Variants in SLC4A1 observed in about 807,000 individuals in gnomAD.
SLC4A1 encodes solute carrier family 4 member 1 (Diego blood group).
Under a neutral mutation model 93.1 loss-of-function variants are expected in SLC4A1, and 29 were observed. That is an observed-to-expected ratio of 0.31 (90% CI 0.23 to 0.42). SLC4A1 has a LOEUF of 0.42. Among genes scored for constraint, SLC4A1 ranks in the 20% least tolerant of loss-of-function variants. The probability of loss-of-function intolerance (pLI) is 1.00; values close to 1 mark genes in which losing one functional copy is unlikely to be tolerated. For missense variants in SLC4A1, 965 were observed against 1,190.1 expected, an observed-to-expected ratio of 0.81 and a Z score of 2.78; for synonymous variants, 469 against 497.2, an observed-to-expected ratio of 0.94 and a Z score of 0.76.
In SLC4A1 at chr17:44,262,858, C is replaced by T. The variant is rs878938954; in HGVS notation, c.9G>A (p.Glu3=). The change falls in exon 2 of 20, where the codon GAG becomes GAA. Residue 3 remains glutamate, a synonymous_variant. Transcript: ENST00000262418. ME[E]LQDDYEDMME... ...GATGCCAGGGAACACCCACCTGCAG[C>T]TCCTCCATGGCGTGGTCCTGAGTGT... 1.1e-5 allele frequency: 17 copies of T among 1,614,184 alleles called. No individual in the cohort carries two copies. Among genetic ancestry groups the T allele is most frequent in the Non-Finnish European group, 1.4e-5 (17 of 1,180,008 alleles).
At chr17:44,251,669 G>T in intron 17 of SLC4A1, 81 bp from the exon 18 acceptor site, 3 of 1,273,114 alleles carry the variant, frequency 2.4e-6, no homozygotes, top group Non-Finnish European at 3.4e-6. Flanking sequence ...TCTGGGGCTG[G>T]GAATAAAACA....
Position 44,251,319 on chromosome 17 carries a change from C to T in SLC4A1, c.2495G>A (p.Arg832His), listed in dbSNP as rs5025. Residue 832 changes from arginine to histidine, a missense_variant, in exon 19 of 20, where the codon CGC (arginine) becomes CAC (histidine). By Grantham distance (29) the Arg-to-His change is conservative. Around this residue, in one of 2 missense-constraint regions of SLC4A1, gnomAD observed 770 missense variants for 1,006.6 expected, o/e 0.76. Transcript: ENST00000262418. Reference sequence around the variant, plus strand: ...CTGGATGCCCGTGAATAAGTGCATGCGCCAGGTCTTCACCTGCAGGCGGAG... The same window carrying T: ...CTGGATGCCCGTGAATAAGTGCATGTGCCAGGTCTTCACCTGCAGGCGGAG... ...VPYVKRVKTW[R>H]MHLFTGIQII... is the part of the protein sequence containing the mutation. The T allele has an allele frequency of 3.6e-5, 58 of 1,614,208 alleles. No individual in the cohort carries two copies. Among genetic ancestry groups the T allele is most frequent in the South Asian group, 3.3e-4 (30 of 91,086 alleles).
intron 1 of SLC4A1, 66 bp from the exon 2 acceptor site, chr17:44,263,000 A>AG (rs35535843): frequency 7.4e-7 from 1 of 1,343,464 alleles, no homozygotes; most frequent in East Asian, 2.3e-5. Context: ...CCTCCTCCAG[A>AG]GGGGGCCACA....
intron 13 of SLC4A1, among the ~76,000 whole-genome samples, chr17:44,256,079 A>G (rs1193113848): frequency 6.6e-6 from 1 of 151,916 alleles, no homozygotes; most frequent in Non-Finnish European, 1.5e-5. Context: ...CCTACCTATC[A>G]TCTATCAACC....
intron 8 of SLC4A1, 61 bp from the exon 9 acceptor site, chr17:44,259,405 A>T (rs527976563): frequency 6.2e-7 from 1 of 1,608,312 alleles, no homozygotes; most frequent in East Asian, 2.2e-5. Context: ...TGCTGAAGAG[A>T]TGGGGCTGCG....
intron 14 of SLC4A1, 83 bp downstream of exon 14, chr17:44,255,590 G>A (rs1477740207): frequency 7.3e-7 from 1 of 1,366,962 alleles, no homozygotes; most frequent in African/African-American, 1.4e-5. Flanking sequence ...GGGAAGCTAA[G>A]GGCACTGAGG....
In SLC4A1 at chr17:44,255,272, C is replaced by T. The variant is rs878853002; in HGVS notation, c.1825G>A (p.Gly609Arg). 1 of 1,556,624 alleles carries T rather than the reference C, an allele frequency of 6.4e-7. No individual in the cohort carries two copies. The highest frequency in any genetic ancestry group is 8.7e-7 in the Non-Finnish European group (1 of 1,149,498). ...GKLRRVIGDF[G>R]VPISILIMVL... ...ATGATCAGGATGGAGATGGGGACCC[C>T]GAAGTCCCCGATGACCCGACGCAGC... Residue 609 changes from glycine to arginine, a missense_variant, in exon 15 of 20, where the codon GGG becomes AGG. By Grantham distance (125) the Gly-to-Arg change is moderately radical (BLOSUM62 -2). This residue lies in a region of SLC4A1 where 770 missense variants were observed against 1,006.6 expected (regional missense o/e 0.76). Coordinates refer to ENST00000262418, the MANE Select transcript of SLC4A1 (RefSeq NM_000342.4).
At chr17:44,261,174 T>C (rs528388375) in intron 4 of SLC4A1, among the ~76,000 whole-genome samples, 15 of 152,310 alleles carry the variant, frequency 9.8e-5, no homozygotes, top group African/African-American at 3.1e-4. Flanking sequence ...TGAGGCCAGG[T>C]GGTTGCTCCA....
chr17:44,257,375 T>C lies in SLC4A1; in HGVS notation c.1601A>G (p.Tyr534Cys). The change falls in exon 13 of 20, where the codon TAT becomes TGT. Residue 534 changes from tyrosine to cysteine, a missense_variant. This residue lies in a region of SLC4A1 where 770 missense variants were observed against 1,006.6 expected (regional missense o/e 0.76). Transcript: ENST00000262418. Reference protein sequence around the residue: ...FSFLISLIFIYETFSKLIKIF... With the variant: ...FSFLISLIFICETFSKLIKIF... Reference sequence around the variant, plus strand: ...CTTGATCAGCTTGGAGAAAGTCTCATAGATGAAGATGAGGGAAATGAGGAA... The same window carrying C: ...CTTGATCAGCTTGGAGAAAGTCTCACAGATGAAGATGAGGGAAATGAGGAA... 1 of 1,613,656 alleles carries C rather than the reference T, an allele frequency of 6.2e-7. No individual in the cohort carries two copies. The highest frequency in any genetic ancestry group is 8.5e-7 in the Non-Finnish European group (1 of 1,179,912).
In SLC4A1 at chr17:44,248,782, T is replaced by C. The variant is rs745898810; in HGVS notation, c.*1676A>G. The C allele has an allele frequency of 3.2e-4, 54 of 170,892 alleles. No homozygotes were observed. The highest frequency in any genetic ancestry group is 7.4e-5 in the Non-Finnish European group (6 of 81,146). The allele number at this position is 170,892 out of a possible 1,614,324, so 10.6% of individuals were successfully genotyped here. On this transcript the variant is annotated 3_prime_UTR_variant, in exon 20 of 20. Coordinates refer to ENST00000262418, the MANE Select transcript of SLC4A1 (RefSeq NM_000342.4). ...GGGAGGTACAAATAATGTTACTCTA[T>C]GTTGGGCTGGAACCCCACCACACAC...
Position 44,258,252 on chromosome 17 carries a change from G to A in SLC4A1, c.1088-72C>T. 6.7e-7 allele frequency: 1 copy of A among 1,501,058 alleles called. No homozygotes were observed. The highest frequency in any genetic ancestry group is 1.1e-5 in the South Asian group (1 of 88,800). The allele number at this position is 1,501,058 out of a possible 1,614,324, so 93.0% of individuals were successfully genotyped here. On this transcript the variant is annotated intron_variant, in intron 10 of 19. Coordinates refer to ENST00000262418, the MANE Select transcript of SLC4A1 (RefSeq NM_000342.4). The surrounding 1 kb of genome is among the most constrained non-coding windows in gnomAD (Gnocchi z 6.1). The stretch of plus-strand genomic sequence containing the variant: ...GTGAGGGGAAAGGGGACTGGAGGGT[G>A]TAGGGGAGATTGTCTGATGGGAATG...
At chr17:44,256,196 A>G (rs1270397314) in intron 13 of SLC4A1, among the ~76,000 whole-genome samples, 1 of 152,066 alleles carries the variant, frequency 6.6e-6, no homozygotes, top group Non-Finnish European at 1.5e-5. Flanking sequence ...TTATCCATCT[A>G]TTCATCCATC....
intron 19 of SLC4A1, 82 bp from the exon 20 acceptor site, chr17:44,250,620 G>T: frequency 9.6e-7 from 1 of 1,037,574 alleles, no homozygotes. Context: ...AGGCACCTCT[G>T]GAGTTAGGAG....
intron 6 of SLC4A1, 78 bp downstream of exon 6, chr17:44,260,326 G>T: frequency 1.3e-6 from 2 of 1,545,266 alleles, no homozygotes; most frequent in Non-Finnish European, 1.8e-6. Flanking sequence ...CCTGGATCCC[G>T]GGGGAGAACT....
intron 9 of SLC4A1, 43 bp downstream of exon 9, chr17:44,259,120 G>A (rs1244276827): frequency 1.9e-6 from 3 of 1,603,444 alleles, no homozygotes; most frequent in African/African-American, 1.3e-5. Flanking sequence ...CACCATGCAG[G>A]TCCCAAGCTT....
chr17:44,263,842 T>C (rs1414575500), intron 1 of SLC4A1, among the ~76,000 whole-genome samples: 1 of 151,036 alleles, frequency 6.6e-6, no homozygotes, highest in Admixed American at 6.6e-5. Context: ...TGATCATAGT[T>C]CACTGCAGCC....
At position 44,262,742 on chromosome 17, in the gene SLC4A1, G is replaced by A. The variant is rs768569202; in HGVS notation, c.16-16C>T. 17 of 1,611,762 alleles carry A rather than the reference G, an allele frequency of 1.1e-5. No homozygotes were observed. In the East Asian group the frequency reaches 1.6e-4, roughly 15 times the overall value. On this transcript the variant is annotated splice_polypyrimidine_tract_variant and intron_variant, in intron 2 of 19. Coordinates refer to ENST00000262418, the MANE Select transcript of SLC4A1 (RefSeq NM_000342.4). Reference sequence around the variant, plus strand: ...CATAATCATCCTGTGGGAAGTGGCCGCTGAGGCTGGGCTGTGAGGGGCTCT... The same window carrying A: ...CATAATCATCCTGTGGGAAGTGGCCACTGAGGCTGGGCTGTGAGGGGCTCT...
At position 44,249,070 on chromosome 17, in the gene SLC4A1, C is replaced by T; in HGVS notation, c.*1388G>A. 2.5e-6 allele frequency: 1 copy of T among 393,420 alleles called. No homozygotes were observed. Among genetic ancestry groups the T allele is most frequent in the South Asian group, 1.8e-5 (1 of 55,080 alleles). The allele number at this position is 393,420 out of a possible 1,614,324, so 24.4% of individuals were successfully genotyped here. A position where few individuals can be genotyped will look rare whatever the true frequency, so the allele number is the denominator to read the frequency against. On this transcript the variant is annotated 3_prime_UTR_variant, in exon 20 of 20. Coordinates refer to ENST00000262418, the MANE Select transcript of SLC4A1 (RefSeq NM_000342.4). ...AGTAACGGGGTTTCACCATGTTGGC[C>T]AGGCTGGTCTCAAACTCCTGACCTC...
At chr17:44,264,621 T>C (rs2144629347) in intron 1 of SLC4A1, among the ~76,000 whole-genome samples, 1 of 152,350 alleles carries the variant, frequency 6.6e-6, no homozygotes, top group East Asian at 1.9e-4. Context: ...TGTCACGTAG[T>C]AGGTGCTCAA....
Sources: allele counts gnomAD v4.1 joint callset (sites outside exome capture counted in the v4.1 genomes callset), GRCh38; gene constraint gnomAD v4.1.1; regional missense constraint gnomAD v4.1.1; non-coding constraint Gnocchi (gnomAD v3.1); transcripts MANE v1.5; gene names NCBI Gene and HGNC (gene_info 2026-07-23, HGNC 2026-07-21).